The following FBXL13 variants were observed in gnomAD, a reference collection of about 807,000 sequenced individuals.
FBXL13 encodes the protein F-box and leucine-rich repeat protein 13.
FBXL13 carries 67 observed loss-of-function variants against 83.6 expected under a neutral mutation model. That is an observed-to-expected ratio of 0.80 (90% confidence interval 0.66 to 0.98). FBXL13 has a LOEUF of 0.98. Ranked by LOEUF, FBXL13 falls within the 50% of genes least tolerant of loss-of-function variation. FBXL13 has a pLI of 0.00. For missense variants in FBXL13, 822 were observed against 866.5 expected, an observed-to-expected ratio of 0.95 and a Z score of 0.64; for synonymous variants, 272 against 299.5, an observed-to-expected ratio of 0.91 and a Z score of 0.95.
At chr7:102,974,234 C>T (rs1827157992) in intron 6 of FBXL13, among the ~76,000 whole-genome samples, 2 of 152,042 alleles carry the variant, frequency 1.3e-5, no homozygotes, top group South Asian at 2.1e-4. Flanking sequence ...ACTAAAAATA[C>T]AAAAAATTAG....
intron 18 of FBXL13, among the ~76,000 whole-genome samples, chr7:102,829,422 T>C (rs146431232): frequency 1.7e-3 from 258 of 152,342 alleles, no homozygotes; most frequent in African/African-American, 6.0e-3. Flanking sequence ...TCGCTTACCT[T>C]ATCCCTCTCA....
chr7:102,950,200 T>C (rs1048522701), intron 8 of FBXL13, among the ~76,000 whole-genome samples: 6 of 152,100 alleles, frequency 3.9e-5, no homozygotes, highest in South Asian at 2.1e-4. Context: ...ACCAGAAAGA[T>C]AGAAGCATAT....
chr7:102,991,749 A>G (rs1423133316), intron 6 of FBXL13, among the ~76,000 whole-genome samples: 1 of 152,234 alleles, frequency 6.6e-6, no homozygotes, highest in African/African-American at 2.4e-5. Flanking sequence ...CAGATGGTAA[A>G]CTGCTAAAAT....
chr7:102,989,476 C>G (rs1829334299), intron 6 of FBXL13, among the ~76,000 whole-genome samples: 1 of 152,208 alleles, frequency 6.6e-6, no homozygotes, highest in African/African-American at 2.4e-5. Context: ...GCCTCTCTCT[C>G]TCTACCCCTC....
chr7:102,891,833 A>C (rs1386987381), intron 11 of FBXL13, among the ~76,000 whole-genome samples: 1 of 152,194 alleles, frequency 6.6e-6, no homozygotes, highest in African/African-American at 2.4e-5. Context: ...AAACTTTGCC[A>C]TTCTAGAATA....
intron 8 of FBXL13, among the ~76,000 whole-genome samples, chr7:102,932,738 AGC>A (rs1163771323): frequency 2.6e-5 from 4 of 152,004 alleles, no homozygotes; most frequent in African/African-American, 4.8e-5. Context: ...ATTCCCAAGT[AGC>A]TGACACTACA....
intron 8 of FBXL13, chr7:102,944,119 C>A: frequency 4.2e-6 from 4 of 955,394 alleles, no homozygotes; most frequent in Non-Finnish European, 6.0e-6. Context: ...GAAAATTAAG[C>A]CTCTTTTTAA....
chr7:102,944,501 C>A, intron 8 of FBXL13: 1 of 1,613,904 alleles, frequency 6.2e-7, no homozygotes, highest in South Asian at 1.1e-5. Flanking sequence ...AAGTTACCAG[C>A]ATATCCTGAG....
chr7:102,899,673 G>GT (rs1444769764), intron 11 of FBXL13, among the ~76,000 whole-genome samples: 1 of 152,260 alleles, frequency 6.6e-6, no homozygotes, highest in Non-Finnish European at 1.5e-5. Context: ...CAAATGACTA[G>GT]TAGCCATGGG....
At chr7:102,884,189 G>C (rs1810482197) in intron 12 of FBXL13, 25 bp downstream of exon 13, 1 of 1,527,720 alleles carries the variant, frequency 6.5e-7, no homozygotes, top group Admixed American at 1.7e-5. Context: ...GGACAGAAAA[G>C]TAAAGGTACT....
intron 18 of FBXL13, among the ~76,000 whole-genome samples, chr7:102,826,732 T>G (rs1399855251): frequency 2.5e-5 from 1 of 40,404 alleles, no homozygotes; most frequent in Admixed American, 2.4e-4. Flanking sequence ...CTCATATATA[T>G]ATATATATAT....
At chr7:103,008,644 G>A (rs893039923) in intron 6 of FBXL13, among the ~76,000 whole-genome samples, 5 of 151,956 alleles carry the variant, frequency 3.3e-5, no homozygotes, top group Admixed American at 6.6e-5. Context: ...TGCAATCTCC[G>A]CCTCCAGGGT....
At chr7:102,931,694 A>T (rs963433163) in intron 9 of FBXL13, among the ~76,000 whole-genome samples, 187 bp downstream of exon 10, 1 of 152,236 alleles carries the variant, frequency 6.6e-6, no homozygotes, top group East Asian at 1.9e-4. Flanking sequence ...AACACTGAGC[A>T]TACATCTACA....
At chr7:102,953,531 A>G (rs1823763067) in intron 8 of FBXL13, among the ~76,000 whole-genome samples, 1 of 152,188 alleles carries the variant, frequency 6.6e-6, no homozygotes, top group African/African-American at 2.4e-5. Flanking sequence ...ATTGTGTAAG[A>G]AAAGAAAAAA....
chr7:102,966,916 A>G (rs1826023275), intron 7 of FBXL13, among the ~76,000 whole-genome samples: 1 of 152,052 alleles, frequency 6.6e-6, no homozygotes, highest in Admixed American at 6.5e-5. Flanking sequence ...GCTCTTGTCA[A>G]TTTTGCATAC....
chr7:103,000,311 G>A (rs1000238423), intron 6 of FBXL13, among the ~76,000 whole-genome samples: 2 of 152,112 alleles, frequency 1.3e-5, no homozygotes, highest in African/African-American at 4.8e-5. Context: ...AGGAGTTAGA[G>A]ACCAGTCTGG....
intron 2 of FBXL13, among the ~76,000 whole-genome samples, chr7:103,039,378 T>C (rs1377708913): frequency 6.6e-6 from 1 of 152,094 alleles, no homozygotes; most frequent in Non-Finnish European, 1.5e-5. Flanking sequence ...ACAGGGAGAA[T>C]GCAATCAAGT....
At chr7:102,882,039 T>C (rs932407828) in intron 14 of FBXL13, among the ~76,000 whole-genome samples, 2 of 152,136 alleles carry the variant, frequency 1.3e-5, no homozygotes, top group Non-Finnish European at 2.9e-5. Context: ...GGTGGAAGGA[T>C]CACCTGAAGC....
intron 8 of FBXL13, among the ~76,000 whole-genome samples, chr7:102,949,896 G>A (rs1284307659): frequency 2.6e-5 from 4 of 151,962 alleles, no homozygotes; most frequent in African/African-American, 7.3e-5. Context: ...ACTTGACGTC[G>A]GGAGTTCAAG....
Sources: gnomAD v4.1 joint callset for allele counts (sites outside exome capture counted in the v4.1 genomes callset) on GRCh38, gnomAD v4.1.1 for gene constraint, MANE v1.5 for transcripts, NCBI Gene and HGNC (gene_info 2026-07-23, HGNC 2026-07-21) for gene names.